Variants in PAPLN observed in about 807,000 individuals in gnomAD.
The protein encoded by PAPLN is papilin.
A neutral mutation model predicts 159.0 loss-of-function variants in PAPLN; 146 were observed. That is an observed-to-expected ratio of 0.92 (90% CI 0.80 to 1.05). The LOEUF (loss-of-function observed/expected upper bound fraction) is 1.05. Among genes scored for constraint, PAPLN ranks in the 50% least tolerant of loss-of-function variants. The pLI is 0.00. For synonymous variants in PAPLN, 734 were observed against 702.9 expected (o/e 1.04, Z -0.70); for missense variants, 1,720 against 1,743.9 (o/e 0.99, Z 0.24).
At chr14:73,263,425 G>A in intron 19 of PAPLN, 1 of 610,458 alleles carries the variant, frequency 1.6e-6, no homozygotes, top group Non-Finnish European at 2.9e-6. Context: ...ACAAGAACAG[G>A]TTGAGGCAGT....
rs1163525227 is a variant in PAPLN at position 73,265,603 on chromosome 14, A to G, written c.3263+96A>G. 4 of 1,534,566 alleles carry G rather than the reference A, an allele frequency of 2.6e-6. No homozygotes were observed. The African/African-American group carries it at 5.4e-5, about 21-fold the overall frequency. On this transcript the variant is annotated intron_variant, in intron 23 of 26. Coordinates refer to ENST00000644200, the MANE Select transcript of PAPLN (RefSeq NM_001365906.3). The surrounding 1 kb of genome is among the most constrained non-coding windows in gnomAD (Gnocchi z 4.1). ...GGAAGGGAGCTGCTAGCGCATGGTC[A>G]TGGCCAGTCCTGAGCCGGACTCCAG...
intron 5 of PAPLN, 47 bp downstream of exon 5, chr14:73,246,222 C>T (rs1326751430): frequency 5.6e-6 from 8 of 1,438,526 alleles, no homozygotes; most frequent in Admixed American, 2.5e-5. Context: ...TGTATACCTA[C>T]GTTGATGCCA....
In PAPLN at chr14:73,252,755, C is replaced by T. The variant is rs571945407; in HGVS notation, c.1074C>T (p.His358=). ...RPADRRSCNL[H]PCPETKRWKA... ...CTGACCGGCGTTCCTGCAATCTTCA[C>T]CCTTGCCCGGAGACCAAGCGGTGAG... is the stretch of plus-strand genomic sequence containing the variant. Residue 358 remains histidine (H), a synonymous_variant, in exon 11 of 27, where the codon CAC becomes CAT. Coordinates refer to ENST00000644200, the MANE Select transcript of PAPLN (RefSeq NM_001365906.3). 7 of 1,613,542 alleles carry T rather than the reference C, an allele frequency of 4.3e-6. No individual in the cohort carries two copies. In the African/African-American group the frequency reaches 9.3e-5, roughly 21 times the overall value.
chr14:73,266,056 C>T (rs927403375), intron 23 of PAPLN, among the ~76,000 whole-genome samples: 8 of 152,180 alleles, frequency 5.3e-5, no homozygotes, highest in African/African-American at 9.7e-5. Context: ...CAGACATTTT[C>T]GGCCAGTCGC....
chr14:73,247,364 T>A (rs1490073243), intron 5 of PAPLN, among the ~76,000 whole-genome samples: 1 of 152,240 alleles, frequency 6.6e-6, no homozygotes, highest in Non-Finnish European at 1.5e-5. Context: ...AAGACAAGTC[T>A]TCTGAGTGTT....
chr14:73,241,330 G>A (rs1364041279), intron 2 of PAPLN, among the ~76,000 whole-genome samples: 1 of 152,216 alleles, frequency 6.6e-6, no homozygotes, highest in Non-Finnish European at 1.5e-5. Context: ...GCTGCATGAA[G>A]GCCAAAGCCC....
At chr14:73,267,370 A>G (rs901327728) in intron 25 of PAPLN, among the ~76,000 whole-genome samples, 1 of 152,188 alleles carries the variant, frequency 6.6e-6, no homozygotes, top group African/African-American at 2.4e-5. Flanking sequence ...GTAATGTGTC[A>G]GGACTAGGCT....
At chr14:73,254,083 C>G in intron 12 of PAPLN, 122 bp downstream of exon 12, 1 of 1,143,848 alleles carries the variant, frequency 8.7e-7, no homozygotes, top group South Asian at 1.6e-5. Context: ...GTCAGGTCAT[C>G]TTGGAAGCTG....
chr14:73,262,826 A>G lies in PAPLN; in HGVS notation c.2722A>G (p.Arg908Gly), dbSNP rs779693061. The G allele has an allele frequency of 1.4e-6, 2 of 1,471,158 alleles. No homozygotes were observed. The highest frequency in any genetic ancestry group is 2.8e-5 in the African/African-American group (2 of 70,372). The allele number at this position is 1,471,158 out of a possible 1,614,324, so 91.1% of individuals were successfully genotyped here. The change falls in exon 19 of 27, where the codon AGG (arginine) becomes GGG (glycine). Residue 908 changes from arginine to glycine, a missense_variant and splice_region_variant. Arg to Gly is a moderately radical substitution (Grantham distance 125). Coordinates refer to ENST00000644200, the MANE Select transcript of PAPLN (RefSeq NM_001365906.3). ...GCCACCCTTCCACAGCTCCTCCTAC[A>G]GGTGAGGCCCACCTTCCCCAGGTGA... ...PAPPFHSSSY[R>G]ISLAGVEPSL...
chr14:73,263,826 C>T, intron 20 of PAPLN, 44 bp downstream of exon 20: 2 of 1,556,936 alleles, frequency 1.3e-6, no homozygotes, highest in African/African-American at 1.4e-5. Flanking sequence ...TGTGACAGCC[C>T]CCCTACCTTC....
intron 16 of PAPLN, among the ~76,000 whole-genome samples, 178 bp from the exon 17 acceptor site, chr14:73,260,531 A>G (rs1489965686): frequency 3.5e-5 from 5 of 144,704 alleles, no homozygotes; most frequent in African/African-American, 1.3e-4. Context: ...GAGTCGGTGG[A>G]TTTAGGCAGA....
intron 6 of PAPLN, 93 bp from the exon 7 acceptor site, chr14:73,250,814 G>T (rs1885160615): frequency 1.4e-6 from 2 of 1,431,808 alleles, no homozygotes; most frequent in Non-Finnish European, 1.8e-6. Flanking sequence ...TCCTGCCTGG[G>T]CTGCGTGGGT....
At chr14:73,237,013 T>G (rs909143292), upstream of PAPLN, among the ~76,000 whole-genome samples, 1 of 147,706 alleles carries the variant, frequency 6.8e-6, no homozygotes, top group Admixed American at 7.0e-5. Context: ...AAAGTGACAT[T>G]TGACCAAGGT....
intron 20 of PAPLN, 50 bp from the exon 21 acceptor site, chr14:73,264,161 G>C (rs769600865): frequency 1.9e-6 from 3 of 1,609,950 alleles, no homozygotes; most frequent in Non-Finnish European, 2.5e-6. Flanking sequence ...AAGACTCACT[G>C]TTGCCCTTGG....
At chr14:73,267,229 A>G (rs1345306456) in intron 25 of PAPLN, among the ~76,000 whole-genome samples, 2 of 152,194 alleles carry the variant, frequency 1.3e-5, no homozygotes, top group African/African-American at 4.8e-5. Flanking sequence ...CCTGGTGGCA[A>G]AATCTCTCCT....
intron 2 of PAPLN, chr14:73,242,540 T>G (rs541096617): frequency 2.6e-5 from 4 of 151,716 alleles, no homozygotes; most frequent in South Asian, 2.1e-4. Context: ...AGGCTGTGTG[T>G]GGGGGGGGCG....
chr14:73,253,140 T>G (rs763834052), intron 11 of PAPLN: 2 of 1,375,118 alleles, frequency 1.5e-6, no homozygotes, highest in African/African-American at 3.2e-5. Context: ...GCATCGGCCA[T>G]GGCTTTGTTC....
chr14:73,260,969 A>G, intron 17 of PAPLN, 140 bp downstream of exon 17: 2 of 1,405,928 alleles, frequency 1.4e-6, no homozygotes, highest in Non-Finnish European at 1.9e-6. Flanking sequence ...CATCCTCTGG[A>G]GGGCACCGGG....
At chr14:73,255,046 C>T (rs1051564254) in intron 14 of PAPLN, 28 bp downstream of exon 14, 20 of 1,596,664 alleles carry the variant, frequency 1.3e-5, no homozygotes, top group South Asian at 2.2e-5. Flanking sequence ...GGGAGGAGTC[C>T]GGCCTCTGAC....
Sources: allele counts gnomAD v4.1 joint callset (sites outside exome capture counted in the v4.1 genomes callset), GRCh38; gene constraint gnomAD v4.1.1; non-coding constraint Gnocchi (gnomAD v3.1); transcripts MANE v1.5; gene names NCBI Gene and HGNC (gene_info 2026-07-23, HGNC 2026-07-21).